SLC10A7: variants seen among roughly 807,000 people sequenced by gnomAD.
SLC10A7 encodes the protein sodium/bile acid cotransporter 7.
A neutral mutation model predicts 43.2 loss-of-function variants in SLC10A7; 29 were observed. The ratio of observed to expected loss-of-function variants is 0.67; its 90% confidence interval spans 0.50 to 0.92. The LOEUF is 0.92. SLC10A7 is among the 40% of genes least tolerant of loss of function. The pLI, the probability that SLC10A7 is intolerant of heterozygous loss-of-function variation, is 0.00. For missense variants in SLC10A7, 295 were observed against 403.2 expected (o/e 0.73, Z 2.30); for synonymous variants, 152 against 144.8 (o/e 1.05, Z -0.35).
chr4:146,496,675 A>G (rs1028476897), intron 4 of SLC10A7, among the ~76,000 whole-genome samples: 1 of 152,048 alleles, frequency 6.6e-6, no homozygotes, highest in African/African-American at 2.4e-5. Flanking sequence ...CTCCACAACT[A>G]TCCATTTATT....
chr4:146,274,385 G>A (rs1729078962), intron 10 of SLC10A7, among the ~76,000 whole-genome samples: 1 of 151,810 alleles, frequency 6.6e-6, no homozygotes, highest in Admixed American at 6.6e-5. Context: ...TGTATTTTTA[G>A]TAGAGACAGG....
intron 7 of SLC10A7, among the ~76,000 whole-genome samples, chr4:146,304,795 TG>T (rs1225045476): frequency 1.3e-5 from 2 of 152,168 alleles, no homozygotes; most frequent in Non-Finnish European, 2.9e-5. Flanking sequence ...GTTCAATTCC[TG>T]GGTATCCTTG....
intron 5 of SLC10A7, among the ~76,000 whole-genome samples, chr4:146,350,186 T>G (rs4309853): frequency 0.81 from 113,197 of 139,792 alleles, 46,750 homozygotes; most frequent in African/African-American, 0.95. Flanking sequence ...CACCGTGCGC[T>G]AGCCGAAGCA....
chr4:146,334,204 T>C (rs943300193), intron 5 of SLC10A7, among the ~76,000 whole-genome samples: 4 of 152,050 alleles, frequency 2.6e-5, no homozygotes, highest in Non-Finnish European at 4.4e-5. Context: ...CTAGAGATAC[T>C]GTGATAGCTG....
chr4:146,335,251 T>TAAAAAAAAAAAAAAAAAAAAAAAAAAAA (rs34522588), intron 5 of SLC10A7, among the ~76,000 whole-genome samples: 1 of 92,640 alleles, frequency 1.1e-5, no homozygotes, highest in African/African-American at 4.3e-5. Flanking sequence ...ACAGATGTTG[T>TAAAAAAAAAAAAAAAAAAAAAAAAAAAA]AAAAAAAAAA....
chr4:146,421,699 A>T (rs939818986), intron 5 of SLC10A7, among the ~76,000 whole-genome samples: 1 of 152,124 alleles, frequency 6.6e-6, no homozygotes, highest in Admixed American at 6.6e-5. Flanking sequence ...TCTACTATGT[A>T]CCAGGTACCG....
intron 6 of SLC10A7, among the ~76,000 whole-genome samples, chr4:146,312,504 C>T (rs572036636): frequency 2.0e-5 from 3 of 152,058 alleles, no homozygotes; most frequent in South Asian, 4.1e-4. Flanking sequence ...ACTATAGTAG[C>T]GATGCTGTAA....
intron 5 of SLC10A7, among the ~76,000 whole-genome samples, chr4:146,399,072 T>G (rs139166845): frequency 1.4e-4 from 22 of 152,298 alleles, no homozygotes; most frequent in African/African-American, 5.3e-4. Flanking sequence ...AGGGCGGTAT[T>G]CAGGGAAGGC....
intron 5 of SLC10A7, among the ~76,000 whole-genome samples, chr4:146,426,869 C>T (rs922742694): frequency 1.3e-5 from 2 of 151,860 alleles, no homozygotes; most frequent in Admixed American, 6.6e-5. Flanking sequence ...AGTGAGACTC[C>T]GTCTCAAAAA....
chr4:146,381,087 G>T (rs1004492353), intron 5 of SLC10A7, among the ~76,000 whole-genome samples: 7 of 151,996 alleles, frequency 4.6e-5, no homozygotes, highest in Non-Finnish European at 1.0e-4. Context: ...ACAATTTGGG[G>T]GGCTCTTGTT....
chr4:146,339,340 C>T (rs947714507), intron 5 of SLC10A7, among the ~76,000 whole-genome samples: 6 of 151,958 alleles, frequency 3.9e-5, no homozygotes, highest in Non-Finnish European at 7.4e-5. Flanking sequence ...ACGATCAATA[C>T]TGAGTATAAG....
intron 4 of SLC10A7, among the ~76,000 whole-genome samples, chr4:146,452,793 T>TTA (rs1731705290): frequency 6.6e-6 from 1 of 151,978 alleles, no homozygotes; most frequent in Non-Finnish European, 1.5e-5. Context: ...GATACCATTT[T>TTA]TATATATATC....
intron 5 of SLC10A7, among the ~76,000 whole-genome samples, chr4:146,415,265 G>C (rs373055325): frequency 6.6e-5 from 10 of 152,260 alleles, no homozygotes; most frequent in African/African-American, 2.2e-4. Flanking sequence ...AGATTGTCAA[G>C]AAATAGTGGG....
intron 4 of SLC10A7, among the ~76,000 whole-genome samples, chr4:146,475,105 G>A (rs976196372): frequency 1.3e-5 from 2 of 152,122 alleles, no homozygotes; most frequent in African/African-American, 4.8e-5. Flanking sequence ...ATAAGATTAA[G>A]TATGAGATAT....
rs147605592 is a variant in SLC10A7 at position 146,309,975 on chromosome 4, C to T, written c.472-3966G>A. Among the ~76,000 whole-genome samples the T allele has an allele frequency of 1.1e-3, 174 of 152,226 alleles. 2 individuals carry two copies. Among genetic ancestry groups the T allele is most frequent in the African/African-American group, 3.9e-3 (162 of 41,556 alleles). On this transcript the variant is annotated intron_variant, in intron 6 of 11. Transcript: ENST00000335472. ...TTTTCAACCCTTGTCCCCTTCCTCC[C>T]TCCCCACTCTATTAGTCCCCAGTGT...
Position 146,521,776 on chromosome 4 carries a change from G to C in SLC10A7, c.-59C>G. On this transcript the variant is annotated 5_prime_UTR_variant, in exon 1 of 12. In the 5' UTR this introduces an upstream ATG that the reference lacks. Transcript: ENST00000335472. The stretch of plus-strand genomic sequence containing the variant: ...TTGGCTTTTTTTCTTTTCAAGCTCC[G>C]ATCACCTAATCCTTGGAGCGTCTCC... 7.3e-7 allele frequency: 1 copy of C among 1,369,900 alleles called. No homozygotes were observed. Among genetic ancestry groups the C allele is most frequent in the Non-Finnish European group, 1.0e-6 (1 of 959,552 alleles). 84.9% of individuals were successfully genotyped at this position (1,369,900 alleles called of 1,614,324 possible).
chr4:146,370,548 C>A (rs539207633), intron 5 of SLC10A7, among the ~76,000 whole-genome samples: 1 of 152,192 alleles, frequency 6.6e-6, no homozygotes, highest in East Asian at 1.9e-4. Context: ...TGGGGAGGCA[C>A]TTAAGGTCAA....
intron 5 of SLC10A7, among the ~76,000 whole-genome samples, chr4:146,432,041 C>T (rs1013435269): frequency 6.6e-6 from 1 of 152,162 alleles, no homozygotes; most frequent in African/African-American, 2.4e-5. Flanking sequence ...AAATGTCCAA[C>T]ATCATTAGAC....
In SLC10A7 at chr4:146,292,831, G is replaced by T. The variant is rs78422891; in HGVS notation, c.773+98C>A. On this transcript the variant is annotated intron_variant, in intron 9 of 11. Coordinates refer to ENST00000335472, the MANE Select transcript of SLC10A7 (RefSeq NM_001029998.6). ...GACAGGAGAAAAACATATGTAAAAG[G>T]AGAAAAAAATATAAACGTGTATAGT... 1.1e-3 allele frequency: 913 copies of T among 806,182 alleles called. 4 individuals carry two copies. In the African/African-American group the frequency reaches 0.015, roughly 13 times the overall value. The allele number at this position is 806,182 out of a possible 1,614,324, so 49.9% of individuals were successfully genotyped here.
Sources: gnomAD v4.1 joint callset for allele counts (sites outside exome capture counted in the v4.1 genomes callset) on GRCh38, gnomAD v4.1.1 for gene constraint, MANE v1.5 for transcripts, NCBI Gene and HGNC (gene_info 2026-07-23, HGNC 2026-07-21) for gene names.